The following DOP1A variants were observed in gnomAD, a reference collection of about 807,000 sequenced individuals.
DOP1A encodes the protein protein DOP1A.
In DOP1A, 90 loss-of-function variants were observed where a neutral mutation model predicts 267.6. The observed-to-expected ratio is 0.34, with a 90% CI of 0.28 to 0.40. The LOEUF is 0.40. DOP1A is among the 10% of genes least tolerant of loss of function. The probability of loss-of-function intolerance (pLI) is 1.00; values close to 1 mark genes in which losing one functional copy is unlikely to be tolerated. For synonymous variants in DOP1A, 932 were observed against 999.1 expected (o/e 0.93, Z 1.27); for missense variants, 2,437 against 2,900.4 (o/e 0.84, Z 3.67).
downstream of DOP1A, chr6:83,169,008 T>C (rs1268625639): frequency 2.3e-6 from 3 of 1,326,642 alleles, no homozygotes; most frequent in East Asian, 8.8e-5. Context: ...CCCAGTATTT[T>C]ACATTAGTGA....
intron 18 of DOP1A, among the ~76,000 whole-genome samples, chr6:83,133,847 G>C (rs1317238057): frequency 6.6e-6 from 1 of 151,888 alleles, no homozygotes; most frequent in Non-Finnish European, 1.5e-5. Flanking sequence ...AAATGAAGGA[G>C]GAAGTGCTTT....
In DOP1A at chr6:83,130,451, C is replaced by T. The variant is rs1043846779; in HGVS notation, c.2616+54C>T. The T allele has an allele frequency of 1.4e-5, 21 of 1,542,258 alleles. No individual in the cohort carries two copies. The African/African-American group carries it at 1.9e-4, about 14-fold the overall frequency. ...ATGATGATTACAGCCATGTATGATA[C>T]TTGACCTAGTTTGCTTTAAGAATTA... On this transcript the variant is annotated intron_variant, in intron 17 of 38. Transcript: ENST00000349129.
Position 83,141,914 on chromosome 6 carries a change from GT to G in DOP1A, c.5416-3del. The G allele has an allele frequency of 6.3e-7, 1 of 1,586,032 alleles. No individual in the cohort carries two copies. The highest frequency in any genetic ancestry group is 8.5e-7 in the Non-Finnish European group (1 of 1,171,960). On this transcript the variant is annotated splice_polypyrimidine_tract_variant and splice_region_variant and intron_variant, in intron 23 of 38. Coordinates refer to ENST00000349129, the MANE Select transcript of DOP1A (RefSeq NM_015018.4). Reference sequence around the variant, plus strand: ...GTTTCACTTTCATTTGCTTCAAATTGTTTTAGAACTTGAGACAACAGATTCT... The same window carrying G: ...GTTTCACTTTCATTTGCTTCAAATTGTTTAGAACTTGAGACAACAGATTCT...
intron 1 of DOP1A, among the ~76,000 whole-genome samples, chr6:83,083,169 C>G (rs1258080459): frequency 6.6e-6 from 1 of 152,090 alleles, no homozygotes; most frequent in Non-Finnish European, 1.5e-5. Flanking sequence ...GAATCATGAT[C>G]ATTTTTGCCT....
At chr6:83,098,767 G>A (rs1771966868) in intron 3 of DOP1A, among the ~76,000 whole-genome samples, 1 of 152,196 alleles carries the variant, frequency 6.6e-6, no homozygotes, top group Non-Finnish European at 1.5e-5. Context: ...TGGGCCTTTT[G>A]AGACTTCATT....
rs775171004 is a variant in DOP1A at position 83,153,497 on chromosome 6, TTA to T, written c.6130-12_6130-11del. On this transcript the variant is annotated splice_polypyrimidine_tract_variant and intron_variant, in intron 30 of 38. Coordinates refer to ENST00000349129, the MANE Select transcript of DOP1A (RefSeq NM_015018.4). ...CACCTCATATGTTACTCTTCATTTT[TTA>T]TGTTTTCATAGGTTTTGGCTCATCT... The T allele has an allele frequency of 2.8e-5, 44 of 1,557,636 alleles. No individual in the cohort carries two copies. The South Asian group carries it at 4.5e-4, about 16-fold the overall frequency.
intron 20 of DOP1A, among the ~76,000 whole-genome samples, chr6:83,136,911 A>T (rs2128262292): frequency 6.6e-6 from 1 of 152,250 alleles, no homozygotes; most frequent in South Asian, 2.1e-4. Context: ...CCCCCTAAAA[A>T]ATACAGAAAT....
chr6:83,102,225 A>G (rs1369099459), intron 4 of DOP1A, among the ~76,000 whole-genome samples: 1 of 152,242 alleles, frequency 6.6e-6, no homozygotes, highest in African/African-American at 2.4e-5. Context: ...ATCCATTTAT[A>G]TAACCCTCAA....
intron 7 of DOP1A, among the ~76,000 whole-genome samples, chr6:83,114,290 A>C (rs1230371354): frequency 6.6e-6 from 1 of 151,936 alleles, no homozygotes; most frequent in Non-Finnish European, 1.5e-5. Context: ...AACATAAACC[A>C]CTCTGTTTCT....
intron 8 of DOP1A, 36 bp from the exon 9 acceptor site, chr6:83,119,711 TC>T (rs1776050536): frequency 6.4e-7 from 1 of 1,573,182 alleles, no homozygotes; most frequent in South Asian, 1.1e-5. Flanking sequence ...TTTTGAGAAT[TC>T]CATTTTAAGT....
chr6:83,128,612 T>C (rs1777556120), intron 15 of DOP1A, among the ~76,000 whole-genome samples: 1 of 152,176 alleles, frequency 6.6e-6, no homozygotes, highest in African/African-American at 2.4e-5. Flanking sequence ...TTTCATGAAG[T>C]AGATGAAATA....
Position 83,138,637 on chromosome 6 carries a change from T to C in DOP1A, c.4595T>C (p.Leu1532Ser). 6.2e-7 allele frequency: 1 copy of C among 1,613,980 alleles called. No homozygotes were observed. The highest frequency in any genetic ancestry group is 8.5e-7 in the Non-Finnish European group (1 of 1,179,940). Reference sequence around the variant, plus strand: ...GTTCAGAAAGTGATTCTTCATTGTTTGCTGTCATCTATCTTTAGTGCTCAG... The same window carrying C: ...GTTCAGAAAGTGATTCTTCATTGTTCGCTGTCATCTATCTTTAGTGCTCAG... ...CKVQKVILHC[L>S]LSSIFSAQKW... The change falls in exon 21 of 39, where the codon TTG becomes TCG. Residue 1532 changes from leucine (L) to serine (S), a missense_variant. By Grantham distance (145) the Leu-to-Ser change is moderately radical. Around this residue, in one of 9 missense-constraint regions of DOP1A, gnomAD observed 878 missense variants for 992.9 expected, o/e 0.88. Transcript: ENST00000349129.
intron 4 of DOP1A, among the ~76,000 whole-genome samples, chr6:83,104,226 A>G (rs1250364865): frequency 2.0e-5 from 3 of 152,164 alleles, no homozygotes; most frequent in Non-Finnish European, 4.4e-5. Flanking sequence ...TAGTCACACT[A>G]TCTGTGAATG....
chr6:83,130,274 C>T lies in DOP1A; in HGVS notation c.2493C>T (p.Asn831=). 6.2e-7 allele frequency: 1 copy of T among 1,614,024 alleles called. No homozygotes were observed. Among genetic ancestry groups the T allele is most frequent in the Non-Finnish European group, 8.5e-7 (1 of 1,179,980 alleles). Reference sequence around the variant, plus strand: ...CTGTGGCCATGGTCACTGGGGAAAACATCAACAGTGTAGAGCCTGCACAAC... The same window carrying T: ...CTGTGGCCATGGTCACTGGGGAAAATATCAACAGTGTAGAGCCTGCACAAC... The part of the protein sequence containing the change: ...TQSVAMVTGE[N]INSVEPAQPL... Residue 831 remains asparagine (N), a synonymous_variant, in exon 17 of 39, where the codon AAC becomes AAT. Coordinates refer to ENST00000349129, the MANE Select transcript of DOP1A (RefSeq NM_015018.4).
chr6:83,077,145 A>G (rs2127999944), intron 1 of DOP1A, among the ~76,000 whole-genome samples: 1 of 152,308 alleles, frequency 6.6e-6, no homozygotes, highest in East Asian at 1.9e-4. Flanking sequence ...AAAGTTCTGG[A>G]GATTGGTTGC....
chr6:83,098,638 A>ATG (rs1771941817), intron 3 of DOP1A, among the ~76,000 whole-genome samples: 1 of 152,148 alleles, frequency 6.6e-6, no homozygotes, highest in African/African-American at 2.4e-5. Context: ...AAGTGAAGAG[A>ATG]TGCATAGTGT....
chr6:83,086,432 G>A (rs954474817), intron 1 of DOP1A, among the ~76,000 whole-genome samples: 1 of 152,162 alleles, frequency 6.6e-6, no homozygotes, highest in Non-Finnish European at 1.5e-5. Flanking sequence ...AAGAAGAGAG[G>A]TTGGTCTTGC....
Position 83,119,040 on chromosome 6 carries a change from G to C in DOP1A, c.880+53G>C, listed in dbSNP as rs550317359. 3.4e-4 allele frequency: 504 copies of C among 1,504,282 alleles called. 5 individuals carry two copies. In the South Asian group the frequency reaches 5.4e-3, roughly 16 times the overall value. The allele number at this position is 1,504,282 out of a possible 1,614,324, so 93.2% of individuals were successfully genotyped here. A position where few individuals can be genotyped will look rare whatever the true frequency, so the allele number is the denominator to read the frequency against. The stretch of plus-strand genomic sequence containing the variant: ...TTGGGGAAAAAATGGAGGGAGATTT[G>C]TCATGTATAAGTATTACCAAGTTGT... On this transcript the variant is annotated intron_variant, in intron 8 of 38. Transcript: ENST00000349129.
chr6:83,162,954 T>A, intron 38 of DOP1A, 35 bp downstream of exon 38: 1 of 1,597,608 alleles, frequency 6.3e-7, no homozygotes, highest in South Asian at 1.1e-5. Context: ...TTGTTTTACA[T>A]CACTACATGT....
Sources: gnomAD v4.1 joint callset for allele counts (sites outside exome capture counted in the v4.1 genomes callset) on GRCh38, gnomAD v4.1.1 for gene constraint, gnomAD v4.1.1 regional missense constraint, MANE v1.5 for transcripts, NCBI Gene and HGNC (gene_info 2026-07-23, HGNC 2026-07-21) for gene names.